The following ACTL6A variants were observed in gnomAD, a reference collection of about 807,000 sequenced individuals.
The protein encoded by ACTL6A is actin like 6A.
A neutral mutation model predicts 59.2 loss-of-function variants in ACTL6A; 5 were observed. That is an observed-to-expected ratio of 0.08 (90% CI 0.04 to 0.18). The LOEUF is 0.18. Among genes scored for constraint, ACTL6A ranks in the 10% least tolerant of loss-of-function variants. The pLI, the probability that ACTL6A is intolerant of heterozygous loss-of-function variation, is 1.00. For synonymous variants in ACTL6A, 154 were observed against 171.8 expected (o/e 0.90, Z 0.81); for missense variants, 285 against 526.9 (o/e 0.54, Z 4.49).
chr3:179,581,307 A>C (rs1718333194), intron 11 of ACTL6A, 87 bp downstream of exon 11: 2 of 1,078,560 alleles, frequency 1.9e-6, no homozygotes, highest in Non-Finnish European at 2.9e-6. Flanking sequence ...ACAGTGATCT[A>C]ATGGTTGTCA....
chr3:179,584,658 G>C (rs986363447), intron 12 of ACTL6A, among the ~76,000 whole-genome samples: 6 of 151,658 alleles, frequency 4.0e-5, no homozygotes, highest in Admixed American at 3.3e-4. Context: ...GGTGGCACGT[G>C]CCTGTAATCC....
chr3:179,565,370 A>C (rs374731152), intron 1 of ACTL6A, among the ~76,000 whole-genome samples: 1 of 151,478 alleles, frequency 6.6e-6, no homozygotes, highest in African/African-American at 2.4e-5. Context: ...CTGGAACTGC[A>C]CTCCAGCCTG....
At position 179,570,250 on chromosome 3, in the gene ACTL6A, T is replaced by G; in HGVS notation, c.277+9T>G. 6.2e-7 allele frequency: 1 copy of G among 1,606,430 alleles called. No individual in the cohort carries two copies. The highest frequency in any genetic ancestry group is 8.5e-7 in the Non-Finnish European group (1 of 1,176,236). ...TCTAAAAAATGGGATGGGTATGATG[T>G]TTTCCCCATGGAATTGATTATGGAG... is the stretch of plus-strand genomic sequence containing the variant. On this transcript the variant is annotated intron_variant, in intron 3 of 13. Transcript: ENST00000429709. The surrounding 1 kb of genome is among the most constrained non-coding windows in gnomAD (Gnocchi z 4.3).
chr3:179,576,911 A>G lies in ACTL6A; in HGVS notation c.766A>G (p.Asn256Asp). The change falls in exon 8 of 14, where the codon AAT (asparagine) becomes GAT (aspartate). Residue 256 changes from asparagine (N) to aspartate (D), a missense_variant and splice_region_variant. Coordinates refer to ENST00000429709, the MANE Select transcript of ACTL6A (RefSeq NM_004301.5). Reference sequence around the variant, plus strand: ...GAGGTCTTGGCACAATTATATGTGTAATGTAAGTAACCCTCATTCTCTTTA... The same window carrying G: ...GAGGTCTTGGCACAATTATATGTGTGATGTAAGTAACCCTCATTCTCTTTA... ...VTRSWHNYMCNCVIQDFQASV... is the reference protein window; with the variant it reads ...VTRSWHNYMCDCVIQDFQASV... 6.2e-7 allele frequency: 1 copy of G among 1,610,986 alleles called. No homozygotes were observed. The highest frequency in any genetic ancestry group is 8.5e-7 in the Non-Finnish European group (1 of 1,178,442).
chr3:179,587,657 G>A (rs572525254), intron 13 of ACTL6A, among the ~76,000 whole-genome samples: 1 of 152,092 alleles, frequency 6.6e-6, no homozygotes, highest in East Asian at 1.9e-4. Context: ...GAGGATCACA[G>A]GTGCCCAGGA....
At chr3:179,574,968 C>T (rs1718122701) in intron 5 of ACTL6A, 1 of 181,760 alleles carries the variant, frequency 5.5e-6, no homozygotes, top group South Asian at 1.1e-4. Flanking sequence ...CTTGTCTGCC[C>T]ATTCTTTACG....
At chr3:179,565,584 A>G (rs2108352431) in intron 1 of ACTL6A, among the ~76,000 whole-genome samples, 1 of 148,704 alleles carries the variant, frequency 6.7e-6, no homozygotes, top group South Asian at 2.1e-4. Flanking sequence ...GGACTTTACA[A>G]TAGAGGTAAT....
chr3:179,582,537 A>T (rs943266978), intron 11 of ACTL6A, among the ~76,000 whole-genome samples: 1 of 152,216 alleles, frequency 6.6e-6, no homozygotes, highest in Non-Finnish European at 1.5e-5. Context: ...TTGGCGAGGA[A>T]TATGTTCAGA....
rs1171214664 is a variant in ACTL6A at position 179,576,278 on chromosome 3, A to G, written c.538A>G (p.Ile180Val). ...LDSGATHTTAIPVHDGYVLQQ... is the reference protein window; with the variant it reads ...LDSGATHTTAVPVHDGYVLQQ... Reference sequence around the variant, plus strand: ...CAGTGGAGCCACTCATACCACTGCAATTCCAGTCCACGATGGCTATGTCCT... The same window carrying G: ...CAGTGGAGCCACTCATACCACTGCAGTTCCAGTCCACGATGGCTATGTCCT... Residue 180 changes from isoleucine (I) to valine (V), a missense_variant, in exon 6 of 14, where the codon ATT (isoleucine) becomes GTT (valine). Coordinates refer to ENST00000429709, the MANE Select transcript of ACTL6A (RefSeq NM_004301.5). The G allele has an allele frequency of 1.9e-6, 3 of 1,608,352 alleles. No homozygotes were observed. The highest frequency in any genetic ancestry group is 2.7e-5 in the African/African-American group (2 of 74,676).
At chr3:179,576,996 C>A (rs1311439789) in intron 8 of ACTL6A, 83 bp downstream of exon 8, 2 of 1,051,298 alleles carry the variant, frequency 1.9e-6, no homozygotes, top group East Asian at 2.5e-5. Flanking sequence ...GGCTGTAAAT[C>A]CTTGAGTAAA....
Position 179,571,087 on chromosome 3 carries a change from G to A in ACTL6A, c.277+846G>A, listed in dbSNP as rs1009132030. 2.0e-5 allele frequency among the ~76,000 whole-genome samples: 3 copies of A among 151,994 alleles called. No individual in the cohort carries two copies. In the South Asian group the frequency reaches 6.3e-4, roughly 32 times the overall value. On this transcript the variant is annotated intron_variant, in intron 3 of 13. Transcript: ENST00000429709. ...ACAGAGAGTACCATGCATTGAGATA[G>A]GAATATAAAGGGAAGGAGCAAGTGT...
At chr3:179,586,467 G>GGA in intron 12 of ACTL6A, 79 bp from the exon 13 acceptor site, 1 of 749,444 alleles carries the variant, frequency 1.3e-6, no homozygotes, top group Non-Finnish European at 1.9e-6. Flanking sequence ...GTCTCTATTT[G>GGA]AAAAAAAAAA....
chr3:179,570,150 A>C lies in ACTL6A; in HGVS notation c.186A>C (p.Lys62Asn), dbSNP rs1170490916. 4 of 1,614,170 alleles carry C rather than the reference A, an allele frequency of 2.5e-6. No homozygotes were observed. Among genetic ancestry groups the C allele is most frequent in the Non-Finnish European group, 3.4e-6 (4 of 1,180,018 alleles). Reference sequence around the variant, plus strand: ...TGGAAATAGATGGCGATAAAGGCAAACAAGGCGGTCCCACCTACTACATAG... The same window carrying C: ...TGGAAATAGATGGCGATAAAGGCAACCAAGGCGGTCCCACCTACTACATAG... ...TLMEIDGDKG[K>N]QGGPTYYIDT... The change falls in exon 3 of 14, where the codon AAA (lysine) becomes AAC (asparagine). Residue 62 changes from lysine (K) to asparagine (N), a missense_variant. By Grantham distance (94) the Lys-to-Asn change is moderately conservative. Coordinates refer to ENST00000429709, the MANE Select transcript of ACTL6A (RefSeq NM_004301.5). This position sits in a 1 kb window ranked among gnomAD's most constrained non-coding sequence, Gnocchi z 4.3.
intron 1 of ACTL6A, 154 bp downstream of exon 1, chr3:179,563,271 G>GC (rs929411236): frequency 1.3e-5 from 16 of 1,244,010 alleles, no homozygotes; most frequent in African/African-American, 1.6e-5. Context: ...CGCTCTGCCC[G>GC]CCCCCGGAGC....
At chr3:179,584,931 C>G (rs1057223822) in intron 12 of ACTL6A, among the ~76,000 whole-genome samples, 2 of 152,144 alleles carry the variant, frequency 1.3e-5, no homozygotes, top group African/African-American at 4.8e-5. Flanking sequence ...CTTTTAGCTT[C>G]CCATATAAAA....
At position 179,563,020 on chromosome 3, in the gene ACTL6A, A is replaced by C; in HGVS notation, c.-73A>C. 6.3e-7 allele frequency: 1 copy of C among 1,583,144 alleles called. No homozygotes were observed. Reference sequence around the variant, plus strand: ...GGGAGTCAGGGGCTATCGCTCCTCGAGACTCGCAGTCGCGGCCACTGCAGT... The same window carrying C: ...GGGAGTCAGGGGCTATCGCTCCTCGCGACTCGCAGTCGCGGCCACTGCAGT... On this transcript the variant is annotated 5_prime_UTR_variant, in exon 1 of 14. Coordinates refer to ENST00000429709, the MANE Select transcript of ACTL6A (RefSeq NM_004301.5).
intron 11 of ACTL6A, 130 bp downstream of exon 11, chr3:179,581,350 G>A: frequency 1.3e-6 from 1 of 753,062 alleles, no homozygotes; most frequent in South Asian, 1.8e-5. Context: ...TTTTATAACA[G>A]TATATGTAAA....
chr3:179,583,570 A>C lies in ACTL6A; in HGVS notation c.1122+122A>C, dbSNP rs1157209274. On this transcript the variant is annotated intron_variant, in intron 12 of 13. Coordinates refer to ENST00000429709, the MANE Select transcript of ACTL6A (RefSeq NM_004301.5). Reference sequence around the variant, plus strand: ...ATGATATTTTGTGTGTGCCTGGTATAGTATCACTAAAGTTAATATCCTTTA... The same window carrying C: ...ATGATATTTTGTGTGTGCCTGGTATCGTATCACTAAAGTTAATATCCTTTA... 14 of 675,274 alleles carry C rather than the reference A, an allele frequency of 2.1e-5. No homozygotes were observed. The Admixed American group carries it at 3.9e-4, about 19-fold the overall frequency. 41.8% of individuals were successfully genotyped at this position (675,274 alleles called of 1,614,324 possible).
intron 13 of ACTL6A, 35 bp downstream of exon 13, chr3:179,586,667 A>C (rs1257006748): frequency 1.4e-6 from 2 of 1,461,962 alleles, no homozygotes; most frequent in African/African-American, 1.4e-5. Context: ...AAATATTCTT[A>C]CTGAATTATA....
Sources: gnomAD v4.1 joint callset for allele counts (sites outside exome capture counted in the v4.1 genomes callset) on GRCh38, gnomAD v4.1.1 for gene constraint, Gnocchi (gnomAD v3.1) non-coding constraint, MANE v1.5 for transcripts, NCBI Gene and HGNC (gene_info 2026-07-23, HGNC 2026-07-21) for gene names.